The following GCFC2 variants were observed in gnomAD, a reference collection of about 807,000 sequenced individuals.
GCFC2 encodes the protein intron Large complex component GCFC2.
Under a neutral mutation model 99.4 loss-of-function variants are expected in GCFC2, and 102 were observed. The ratio of observed to expected loss-of-function variants is 1.03; its 90% CI spans 0.87 to 1.21. The LOEUF is 1.21. Ranked by LOEUF, GCFC2 falls within the 50% of genes most tolerant of loss-of-function variation. GCFC2 has a pLI of 0.00. For synonymous variants in GCFC2, 338 were observed against 316.8 expected, an observed-to-expected ratio of 1.07 and a Z score of -0.71; for missense variants, 973 against 920.9, an observed-to-expected ratio of 1.06 and a Z score of -0.73.
In GCFC2 at chr2:75,706,579, TG is replaced by T; in HGVS notation, c.337del (p.Gln113ArgfsTer58). On this transcript the variant is annotated frameshift_variant, in exon 2 of 17. Transcript: ENST00000321027. LOFTEE classifies it high-confidence loss of function. ...GCTAGAACTGTCAGAAGACAAACCC[TG>T]ATCATCCTTACTTTCTGAGGAGTGA... ...IHHSSESKDDQGLSSDSSSSL... is the reference protein window; with the variant it reads ...IHHSSESKDDXGLSSDSSSSL... 1 of 1,600,130 alleles carries T rather than the reference TG, an allele frequency of 6.2e-7. No homozygotes were observed. Among genetic ancestry groups the T allele is most frequent in the South Asian group, 1.1e-5 (1 of 90,712 alleles).
At chr2:75,674,126 T>C (rs2104240264) in intron 12 of GCFC2, among the ~76,000 whole-genome samples, 2 of 152,372 alleles carry the variant, frequency 1.3e-5, no homozygotes, top group South Asian at 4.1e-4. Context: ...TCTTTTCATA[T>C]TCCTATTTGC....
In GCFC2 at chr2:75,689,088, A is replaced by T; in HGVS notation, c.1477T>A (p.Cys493Ser). The T allele has an allele frequency of 6.3e-7, 1 of 1,599,194 alleles. No individual in the cohort carries two copies. The highest frequency in any genetic ancestry group is 8.6e-7 in the Non-Finnish European group (1 of 1,168,016). ...DSYYEAFISL[C>S]IPKLLNPLIR... is the part of the protein sequence containing the mutation. ...AGGGGATTTAAAAGCTTTGGTATGC[A>T]TAAACTAATGAAAGCTTCATAATAG... The change falls in exon 10 of 17, where the codon TGC (cysteine) becomes AGC (serine). Residue 493 changes from cysteine (C) to serine (S), a missense_variant. Cys to Ser is a moderately radical substitution (Grantham distance 112). Coordinates refer to ENST00000321027, the MANE Select transcript of GCFC2 (RefSeq NM_003203.5).
chr2:75,664,519 G>GAATAGAA lies in GCFC2; in HGVS notation c.*146_*147insTTCTATT. The stretch of plus-strand genomic sequence containing the variant: ...TTCATGATGCCAGAAGGTAAAGCAC[G>GAATAGAA]GGGGAATACAGAGGTGGAGTCCTGC... On this transcript the variant is annotated 3_prime_UTR_variant, in exon 17 of 17. Coordinates refer to ENST00000321027, the MANE Select transcript of GCFC2 (RefSeq NM_003203.5). 2 of 477,784 alleles carry GAATAGAA rather than the reference G, an allele frequency of 4.2e-6. No individual in the cohort carries two copies. Among genetic ancestry groups the GAATAGAA allele is most frequent in the Non-Finnish European group, 7.4e-6 (2 of 270,160 alleles). The allele number at this position is 477,784 out of a possible 1,614,324, so 29.6% of individuals were successfully genotyped here.
chr2:75,665,295 C>T (rs552108265), intron 16 of GCFC2, among the ~76,000 whole-genome samples: 2 of 152,114 alleles, frequency 1.3e-5, no homozygotes, highest in South Asian at 4.2e-4. Context: ...GGGACTCAGG[C>T]GCATGCCACC....
intron 4 of GCFC2, among the ~76,000 whole-genome samples, chr2:75,700,402 A>G (rs1310579944): frequency 6.6e-6 from 1 of 152,126 alleles, no homozygotes; most frequent in Non-Finnish European, 1.5e-5. Flanking sequence ...ACATAATGAG[A>G]TTTAATATAT....
intron 12 of GCFC2, chr2:75,679,632 C>T (rs1393417938): frequency 4.0e-5 from 16 of 395,286 alleles, no homozygotes; most frequent in Non-Finnish European, 2.7e-5. Flanking sequence ...CAATAAGTGT[C>T]AGTCTAATTT....
intron 12 of GCFC2, among the ~76,000 whole-genome samples, chr2:75,674,005 T>C (rs1679238890): frequency 6.6e-6 from 1 of 152,238 alleles, no homozygotes; most frequent in East Asian, 1.9e-4. Flanking sequence ...CTTACGATAA[T>C]TGGCATTTTC....
chr2:75,710,659 C>A lies in GCFC2; in HGVS notation c.197G>T (p.Gly66Val). ...GGAGCTCGCCCAGACCCGGCCCCGGCCACGAGGGCCCCGAACCCGGTGGGG... is the reference window on the plus strand; with the variant it reads ...GGAGCTCGCCCAGACCCGGCCCCGGACACGAGGGCCCCGAACCCGGTGGGG... ...GLPHRVRGPR[G>V]RGRVWASSRR... The change falls in exon 1 of 17, where the codon GGC (glycine) becomes GTC (valine). Residue 66 changes from glycine to valine, a missense_variant. Transcript: ENST00000321027. 2 of 1,518,638 alleles carry A rather than the reference C, an allele frequency of 1.3e-6. No individual in the cohort carries two copies. Among genetic ancestry groups the A allele is most frequent in the Non-Finnish European group, 1.8e-6 (2 of 1,139,536 alleles). The allele number at this position is 1,518,638 out of a possible 1,614,324, so 94.1% of individuals were successfully genotyped here.
Position 75,687,836 on chromosome 2 carries a change from G to T in GCFC2, c.1681C>A (p.Arg561=). ...GGTTACGAAGCAGTACCTGTAAGTC[G>T]GGGAATAATTGTTTTGTTGATGATT... The part of the protein sequence containing the change: ...SAIINKTIIP[R]LTDFVEFLWD... The change falls in exon 11 of 17, where the codon CGA becomes AGA. Residue 561 remains arginine, a synonymous_variant. Transcript: ENST00000321027. 1 of 1,605,484 alleles carries T rather than the reference G, an allele frequency of 6.2e-7. No homozygotes were observed. The highest frequency in any genetic ancestry group is 8.5e-7 in the Non-Finnish European group (1 of 1,176,276).
At chr2:75,693,382 T>C (rs896431614) in intron 6 of GCFC2, among the ~76,000 whole-genome samples, 28 of 152,162 alleles carry the variant, frequency 1.8e-4, no homozygotes, top group African/African-American at 6.5e-4. Flanking sequence ...AGAGGTTGCA[T>C]TGAGCTGAGA....
At chr2:75,705,159 T>G (rs1168619025) in intron 2 of GCFC2, among the ~76,000 whole-genome samples, 1 of 152,166 alleles carries the variant, frequency 6.6e-6, no homozygotes, top group Non-Finnish European at 1.5e-5. Flanking sequence ...ACAGAAAATT[T>G]TACTGAATAG....
intron 3 of GCFC2, 75 bp from the exon 4 acceptor site, chr2:75,701,362 G>T: frequency 3.6e-6 from 3 of 823,226 alleles, no homozygotes; most frequent in Non-Finnish European, 6.2e-6. Context: ...CATTTTTTGA[G>T]ATTATACAAA....
intron 11 of GCFC2, among the ~76,000 whole-genome samples, chr2:75,685,866 A>G (rs1215365217): frequency 6.6e-6 from 1 of 152,036 alleles, no homozygotes; most frequent in African/African-American, 2.4e-5. Context: ...TCCCCACATT[A>G]AGCTTACTCC....
intron 4 of GCFC2, 34 bp downstream of exon 4, chr2:75,701,156 G>C: frequency 1.8e-6 from 2 of 1,088,486 alleles, no homozygotes. Context: ...AGCAGCCACA[G>C]GAATCTAATA....
rs1310701442 is a variant in GCFC2 at position 75,662,896 on chromosome 2, C to CACTT, written c.*1766_*1769dup. 1 of 141,426 alleles carries CACTT rather than the reference C, an allele frequency of 7.1e-6. No homozygotes were observed. The highest frequency in any genetic ancestry group is 2.8e-5 in the African/African-American group (1 of 35,766). 8.8% of individuals were successfully genotyped at this position (141,426 alleles called of 1,614,324 possible). A position where few individuals can be genotyped will look rare whatever the true frequency, so the allele number is the denominator to read the frequency against. On this transcript the variant is annotated 3_prime_UTR_variant, in exon 17 of 17. Coordinates refer to ENST00000321027, the MANE Select transcript of GCFC2 (RefSeq NM_003203.5). ...ATTTCATGTGCAATAAAGTGTCTGC[C>CACTT]ACTTACGTAAAAAAAAAAAAAAAAC...
intron 12 of GCFC2, among the ~76,000 whole-genome samples, chr2:75,673,834 G>T (rs1210506483): frequency 1.3e-5 from 2 of 152,068 alleles, no homozygotes; most frequent in Non-Finnish European, 2.9e-5. Flanking sequence ...AGTATGCATG[G>T]TCATACATTT....
intron 11 of GCFC2, among the ~76,000 whole-genome samples, chr2:75,683,701 T>C (rs1007904913): frequency 7.9e-5 from 11 of 139,000 alleles, no homozygotes; most frequent in Non-Finnish European, 1.5e-4. Flanking sequence ...AGGAGACCCA[T>C]CTCATGTAAA....
Position 75,689,053 on chromosome 2 carries a change from A to G in GCFC2, c.1512T>C (p.Val504=), listed in dbSNP as rs1293231051. ...TAAGAGGATTCCAATCAATCAACTG[A>G]ACTCGTATTAGGGGATTTAAAAGCT... ...IPKLLNPLIR[V]QLIDWNPLKL... is the part of the protein sequence containing the mutation. The change falls in exon 10 of 17, where the codon GTT becomes GTC. Residue 504 remains valine, a synonymous_variant. Transcript: ENST00000321027. The G allele has an allele frequency of 1.3e-6, 2 of 1,578,416 alleles. No homozygotes were observed. Among genetic ancestry groups the G allele is most frequent in the African/African-American group, 1.4e-5 (1 of 73,794 alleles).
chr2:75,682,579 C>T (rs1263670590), intron 11 of GCFC2, among the ~76,000 whole-genome samples: 10 of 151,714 alleles, frequency 6.6e-5, no homozygotes, highest in Middle Eastern at 3.2e-3. Context: ...GGAACAAAAC[C>T]GGATGGAGAA....
Sources: gnomAD v4.1 joint callset for allele counts (sites outside exome capture counted in the v4.1 genomes callset) on GRCh38, gnomAD v4.1.1 for gene constraint, MANE v1.5 for transcripts, NCBI Gene and HGNC (gene_info 2026-07-23, HGNC 2026-07-21) for gene names.